Variants in RLF observed in about 807,000 individuals in gnomAD.
RLF encodes RLF zinc finger.
RLF carries 7 observed loss-of-function variants against 162.9 expected under a neutral mutation model. That is an observed-to-expected ratio of 0.04 (90% confidence interval 0.02 to 0.08). The LOEUF is 0.08. RLF is among the 10% of genes least tolerant of loss of function. The pLI is 1.00. For synonymous variants in RLF, 782 were observed against 791.5 expected, an observed-to-expected ratio of 0.99 and a Z score of 0.20; for missense variants, 1,664 against 2,244.7, an observed-to-expected ratio of 0.74 and a Z score of 5.23.
chr1:40,194,889 A>G (rs1230235537), intron 3 of RLF, among the ~76,000 whole-genome samples: 1 of 151,762 alleles, frequency 6.6e-6, no homozygotes, highest in South Asian at 2.1e-4. Context: ...GCTGGAGCGC[A>G]GTGGCACAAT....
chr1:40,184,616 A>AAT (rs1642447519), intron 1 of RLF, among the ~76,000 whole-genome samples: 2 of 152,220 alleles, frequency 1.3e-5, no homozygotes, highest in African/African-American at 4.8e-5. Context: ...TGAGGTATAT[A>AAT]GCAAGGACTT....
At chr1:40,197,546 TC>T (rs1383393342) in intron 4 of RLF, among the ~76,000 whole-genome samples, 7 of 152,208 alleles carry the variant, frequency 4.6e-5, no homozygotes, top group Admixed American at 3.9e-4. Context: ...GATATACTAA[TC>T]AACTATGTCA....
chr1:40,238,901 A>G lies in RLF; in HGVS notation c.4199A>G (p.Glu1400Gly), dbSNP rs751833784. 1.2e-6 allele frequency: 2 copies of G among 1,614,110 alleles called. No individual in the cohort carries two copies. The highest frequency in any genetic ancestry group is 1.7e-6 in the Non-Finnish European group (2 of 1,180,038). Residue 1400 changes from glutamate (E) to glycine (G), a missense_variant, in exon 8 of 8, where the codon GAA (glutamate) becomes GGA (glycine). Physicochemically the swap from Glu to Gly is moderately conservative, Grantham distance 98 (BLOSUM62 -2). Transcript: ENST00000372771. The surrounding 1 kb of genome is among the most constrained non-coding windows in gnomAD (Gnocchi z 5.2). ...ATTGAAGAGCCTAAAGTACTTTCCG[A>G]AGCTGGATCTGCAGCAAGGTTTTCT... ...DHIEEPKVLSEAGSAARFSCN... is the reference protein window; with the variant it reads ...DHIEEPKVLSGAGSAARFSCN...
intron 4 of RLF, among the ~76,000 whole-genome samples, chr1:40,201,958 A>G (rs1023957500): frequency 2.0e-5 from 3 of 152,148 alleles, no homozygotes; most frequent in Admixed American, 2.0e-4. Flanking sequence ...GGTCGGTGGA[A>G]CACACTTTGA....
chr1:40,204,522 T>C (rs1159973273), intron 5 of RLF, among the ~76,000 whole-genome samples: 2 of 152,150 alleles, frequency 1.3e-5, no homozygotes, highest in African/African-American at 4.8e-5. Flanking sequence ...TCTTCCCACC[T>C]CAGCCCCTGG....
intron 6 of RLF, among the ~76,000 whole-genome samples, chr1:40,231,223 T>C (rs111936963): frequency 0.016 from 2,500 of 152,334 alleles, 68 homozygotes; most frequent in African/African-American, 0.057. Flanking sequence ...GATAAAACCT[T>C]TTAGAACAAC....
intron 1 of RLF, among the ~76,000 whole-genome samples, chr1:40,182,753 G>GTAGGTAGGTAGA (rs144667492): frequency 0.028 from 4,184 of 148,864 alleles, 197 homozygotes; most frequent in African/African-American, 0.099. Context: ...AGATAGATAG[G>GTAGGTAGGTAGA]TAGATAGATA....
intron 1 of RLF, among the ~76,000 whole-genome samples, chr1:40,172,472 A>G (rs1321908506): frequency 6.6e-6 from 1 of 152,362 alleles, no homozygotes; most frequent in Admixed American, 6.5e-5. Flanking sequence ...TATCTATAAT[A>G]TAAATTCCTG....
intron 6 of RLF, among the ~76,000 whole-genome samples, chr1:40,223,974 G>A (rs558252594): frequency 6.6e-6 from 1 of 152,338 alleles, no homozygotes; most frequent in Admixed American, 6.5e-5. Context: ...GAGATAGTGG[G>A]ATAGCGACTT....
chr1:40,208,431 A>G (rs976282318), intron 5 of RLF, among the ~76,000 whole-genome samples: 2 of 152,222 alleles, frequency 1.3e-5, no homozygotes, highest in Non-Finnish European at 2.9e-5. Flanking sequence ...AATCTTAAAT[A>G]TAACTGCAGA....
chr1:40,203,491 C>T lies in RLF; in HGVS notation c.810+877C>T, dbSNP rs750240831. Reference sequence around the variant, plus strand: ...CCGGGAGGTGGAGGTTGCAGTGCATCGAGATCGTGCCACTGCACTCCAGCC... The same window carrying T: ...CCGGGAGGTGGAGGTTGCAGTGCATTGAGATCGTGCCACTGCACTCCAGCC... On this transcript the variant is annotated intron_variant, in intron 5 of 7. Transcript: ENST00000372771. 8.6e-5 allele frequency among the ~76,000 whole-genome samples: 13 copies of T among 151,650 alleles called. No homozygotes were observed. The East Asian group carries it at 1.8e-3, about 21-fold the overall frequency.
intron 3 of RLF, 85 bp from the exon 4 acceptor site, chr1:40,195,547 T>G (rs1322778035): frequency 9.3e-7 from 1 of 1,080,172 alleles, no homozygotes; most frequent in African/African-American, 1.6e-5. Flanking sequence ...TTCTTTCAAT[T>G]CCTAGGTGTA....
chr1:40,213,090 A>G (rs1570548886), intron 5 of RLF, among the ~76,000 whole-genome samples: 1 of 152,326 alleles, frequency 6.6e-6, no homozygotes, highest in East Asian at 1.9e-4. Context: ...CCTTGTGATC[A>G]TACAAGGAAT....
chr1:40,223,346 C>CT (rs1275438576), intron 6 of RLF, among the ~76,000 whole-genome samples: 1 of 152,176 alleles, frequency 6.6e-6, no homozygotes, highest in Non-Finnish European at 1.5e-5. Flanking sequence ...GTAAGACTCT[C>CT]TGTCAGTAAG....
intron 1 of RLF, among the ~76,000 whole-genome samples, chr1:40,187,847 G>A (rs1642502711): frequency 6.6e-6 from 1 of 152,148 alleles, no homozygotes; most frequent in African/African-American, 2.4e-5. Flanking sequence ...GTAGTTATTT[G>A]TAGTTGTTTA....
intron 2 of RLF, among the ~76,000 whole-genome samples, chr1:40,189,558 A>G (rs1334802618): frequency 6.6e-6 from 1 of 152,226 alleles, no homozygotes; most frequent in Non-Finnish European, 1.5e-5. Context: ...GAAATTCTGC[A>G]ATTTGATTAT....
chr1:40,235,792 G>A lies in RLF; in HGVS notation c.1090G>A (p.Ala364Thr), dbSNP rs1325655891. ...FCLIRVIQTE[A>T]QDAGLGVSIL... ...TTTTTTTATCCTCTTTTACTTACAG[G>A]CACAAGATGCTGGTCTTGGGGTGTC... is the stretch of plus-strand genomic sequence containing the variant. Residue 364 changes from alanine to threonine, a missense_variant and splice_region_variant, in exon 8 of 8, where the codon GCA becomes ACA. Ala to Thr is a moderately conservative substitution (Grantham distance 58, BLOSUM62 0). This residue lies in a region of RLF where 287 missense variants were observed against 404.9 expected (regional missense o/e 0.71). Coordinates refer to ENST00000372771, the MANE Select transcript of RLF (RefSeq NM_012421.4). 1 of 1,536,114 alleles carries A rather than the reference G, an allele frequency of 6.5e-7. No homozygotes were observed. Among genetic ancestry groups the A allele is most frequent in the Non-Finnish European group, 8.7e-7 (1 of 1,145,248 alleles).
chr1:40,162,350 G>A (rs1051262343), intron 1 of RLF, among the ~76,000 whole-genome samples: 5 of 151,818 alleles, frequency 3.3e-5, no homozygotes, highest in Non-Finnish European at 7.4e-5. Flanking sequence ...TGCCTTGGTG[G>A]GTCCTAACCT....
At chr1:40,203,877 T>C (rs1175721657) in intron 5 of RLF, among the ~76,000 whole-genome samples, 1 of 152,122 alleles carries the variant, frequency 6.6e-6, no homozygotes, top group Non-Finnish European at 1.5e-5. Context: ...CCTTACTCCC[T>C]TTAATATACA....
Sources: allele counts gnomAD v4.1 joint callset (sites outside exome capture counted in the v4.1 genomes callset), GRCh38; gene constraint gnomAD v4.1.1; regional missense constraint gnomAD v4.1.1; non-coding constraint Gnocchi (gnomAD v3.1); transcripts MANE v1.5; gene names NCBI Gene and HGNC (gene_info 2026-07-23, HGNC 2026-07-21).